Variants in SHANK2 observed in about 807,000 individuals in gnomAD.
The protein encoded by SHANK2 is SH3 and multiple ankyrin repeat domains 2.
A neutral mutation model predicts 133.7 loss-of-function variants in SHANK2; 43 were observed. That is an observed-to-expected ratio of 0.32 (90% CI 0.25 to 0.41). The LOEUF (loss-of-function observed/expected upper bound fraction) is 0.41. SHANK2 is among the 10% of genes least tolerant of loss of function. The pLI is 1.00. For missense variants in SHANK2, 1,994 were observed against 2,235.8 expected (o/e 0.89, Z 2.18); for synonymous variants, 1,017 against 952.8 (o/e 1.07, Z -1.24).
At chr11:70,673,920 AT>A (rs1944861388) in intron 15 of SHANK2, among the ~76,000 whole-genome samples, 1 of 152,260 alleles carries the variant, frequency 6.6e-6, no homozygotes, top group South Asian at 2.1e-4. Context: ...TAATTTGGCT[AT>A]CTGTCCCCTC....
intron 11 of SHANK2, among the ~76,000 whole-genome samples, chr11:70,851,970 T>C (rs1390019063): frequency 6.6e-6 from 1 of 152,204 alleles, no homozygotes; most frequent in Non-Finnish European, 1.5e-5. Context: ...CATGAAACTC[T>C]GCCAGGCAGT....
At chr11:71,165,450 G>C (rs1258261416) in intron 2 of SHANK2, among the ~76,000 whole-genome samples, 1 of 152,224 alleles carries the variant, frequency 6.6e-6, no homozygotes, top group Non-Finnish European at 1.5e-5. Context: ...CCCCAGGTGT[G>C]TGTGCGTGTC....
At chr11:71,208,555 C>T (rs1954180510) in intron 2 of SHANK2, among the ~76,000 whole-genome samples, 1 of 151,992 alleles carries the variant, frequency 6.6e-6, no homozygotes, top group African/African-American at 2.4e-5. Flanking sequence ...GTGCTGTGGA[C>T]ATTACAGGTG....
At chr11:70,592,977 G>A (rs2060345521) in intron 17 of SHANK2, among the ~76,000 whole-genome samples, 1 of 152,210 alleles carries the variant, frequency 6.6e-6, no homozygotes, top group Non-Finnish European at 1.5e-5. Context: ...CTCGCCGAAA[G>A]GAGGGACTCA....
At chr11:70,629,615 C>T (rs917156872) in intron 17 of SHANK2, among the ~76,000 whole-genome samples, 1 of 152,152 alleles carries the variant, frequency 6.6e-6, no homozygotes, top group East Asian at 1.9e-4. Context: ...GAACTGCTGC[C>T]ACAGCCGCTA....
intron 14 of SHANK2, among the ~76,000 whole-genome samples, chr11:70,781,178 C>T (rs1332868072): frequency 5.9e-5 from 9 of 151,568 alleles, no homozygotes; most frequent in African/African-American, 1.9e-4. Flanking sequence ...GACCCCGGAC[C>T]GGTTGCATGT....
intron 2 of SHANK2, among the ~76,000 whole-genome samples, chr11:71,217,669 T>C (rs1555120199): frequency 6.6e-6 from 1 of 152,204 alleles, no homozygotes; most frequent in African/African-American, 2.4e-5. Flanking sequence ...TTGAATATCC[T>C]GACCCCGCGT....
chr11:70,734,295 A>G lies in SHANK2; in HGVS notation c.1778-35532T>C, dbSNP rs553447198. Among the ~76,000 whole-genome samples the G allele has an allele frequency of 3.7e-4, 57 of 152,274 alleles. 1 individual carries two copies. The South Asian group carries it at 0.011, about 30-fold the overall frequency. Reference sequence around the variant, plus strand: ...GAGAATGTTTTGCCTGATGCTTCTGAGCAGGGATTGAACGGGCAGAATAGT... The same window carrying G: ...GAGAATGTTTTGCCTGATGCTTCTGGGCAGGGATTGAACGGGCAGAATAGT... On this transcript the variant is annotated intron_variant, in intron 14 of 25. Coordinates refer to ENST00000601538, the MANE Select transcript of SHANK2 (RefSeq NM_012309.5).
At chr11:71,119,850 CAT>C (rs1952051447) in intron 3 of SHANK2, among the ~76,000 whole-genome samples, 1 of 152,150 alleles carries the variant, frequency 6.6e-6, no homozygotes, top group South Asian at 2.1e-4. Flanking sequence ...ACAGCCCGCG[CAT>C]ATTTCAATGT....
At chr11:70,843,229 G>GCTATGGGGTGGGCTGGGCTC in intron 11 of SHANK2, among the ~76,000 whole-genome samples, 4 of 135,960 alleles carry the variant, frequency 2.9e-5, no homozygotes, top group Non-Finnish European at 6.2e-5. Context: ...GGGCTGGGCT[G>GCTATGGGGTGGGCTGGGCTC]CTATGGGGTG....
chr11:70,544,545 G>C (rs2059664704), intron 17 of SHANK2, among the ~76,000 whole-genome samples: 1 of 152,186 alleles, frequency 6.6e-6, no homozygotes, highest in South Asian at 2.1e-4. Flanking sequence ...CCCTGCCCAG[G>C]GAGAGGCACT....
At chr11:70,852,737 G>A (rs2135472496) in intron 11 of SHANK2, among the ~76,000 whole-genome samples, 1 of 152,346 alleles carries the variant, frequency 6.6e-6, no homozygotes, top group South Asian at 2.1e-4. Flanking sequence ...CAGCTACTTG[G>A]GAAGTTGAGG....
intron 4 of SHANK2, among the ~76,000 whole-genome samples, chr11:71,115,511 C>A (rs113736509): frequency 0.011 from 1,632 of 152,236 alleles, 31 homozygotes; most frequent in African/African-American, 0.037. Flanking sequence ...GCAACAATTT[C>A]ATGACAATGA....
chr11:70,539,432 G>A (rs958554489), intron 17 of SHANK2, among the ~76,000 whole-genome samples: 5 of 136,226 alleles, frequency 3.7e-5, no homozygotes, highest in South Asian at 2.5e-4. Context: ...ACAGATCTGC[G>A]GGGGAAAGGT....
Position 71,246,414 on chromosome 11 carries a change from A to G in SHANK2, c.-113+6011T>C, listed in dbSNP as rs143640494. Among the ~76,000 whole-genome samples the G allele has an allele frequency of 3.7e-3, 560 of 152,268 alleles. 4 individuals are homozygous for G. Among genetic ancestry groups the G allele is most frequent in the South Asian group, 0.014 (67 of 4,830 alleles). On this transcript the variant is annotated intron_variant, in intron 1 of 25. Transcript: ENST00000601538. ...GCAGGACACCCCCAAGTCTGCAGGG[A>G]GGCAGCAAAGCCTGGCAGTATGCAG... is the stretch of plus-strand genomic sequence containing the variant.
chr11:70,914,298 C>G (rs1555079541), intron 10 of SHANK2, among the ~76,000 whole-genome samples: 1 of 151,986 alleles, frequency 6.6e-6, no homozygotes, highest in South Asian at 2.1e-4. Context: ...TCTCGGTCTT[C>G]CTCTCAGGTA....
At chr11:71,243,792 G>A (rs920532882) in intron 1 of SHANK2, among the ~76,000 whole-genome samples, 2 of 152,078 alleles carry the variant, frequency 1.3e-5, no homozygotes, top group African/African-American at 4.8e-5. Context: ...CATTTCTGGT[G>A]GGACACAAAC....
chr11:70,672,569 C>T (rs1372595908), intron 15 of SHANK2, among the ~76,000 whole-genome samples: 4 of 152,274 alleles, frequency 2.6e-5, no homozygotes, highest in Non-Finnish European at 4.4e-5. Flanking sequence ...TCTCCCCGAG[C>T]CAGGCTGCTG....
chr11:71,167,872 G>A (rs548701805), intron 2 of SHANK2, among the ~76,000 whole-genome samples: 5 of 146,340 alleles, frequency 3.4e-5, no homozygotes, highest in South Asian at 2.2e-4. Context: ...AGGGGCGGCC[G>A]GGCAGAGGCG....
Sources: allele counts gnomAD v4.1 joint callset (sites outside exome capture counted in the v4.1 genomes callset), GRCh38; gene constraint gnomAD v4.1.1; transcripts MANE v1.5; gene names NCBI Gene and HGNC (gene_info 2026-07-23, HGNC 2026-07-21).